The following KDM2B variants were observed in gnomAD, a reference collection of about 807,000 sequenced individuals.
KDM2B encodes the protein lysine-specific demethylase 2B.
Under a neutral mutation model 150.0 loss-of-function variants are expected in KDM2B, and 26 were observed. The observed-to-expected ratio is 0.17, with a 90% CI of 0.13 to 0.24. The LOEUF is 0.24. Ranked by LOEUF, KDM2B falls within the 10% of genes least tolerant of loss-of-function variation. The probability of loss-of-function intolerance (pLI) is 1.00; values close to 1 mark genes in which losing one functional copy is unlikely to be tolerated. For synonymous variants in KDM2B, 734 were observed against 729.5 expected, an observed-to-expected ratio of 1.01 and a Z score of -0.10; for missense variants, 1,265 against 1,816.9, an observed-to-expected ratio of 0.70 and a Z score of 5.52.
At chr12:121,465,881 T>C (rs186848352) in intron 12 of KDM2B, among the ~76,000 whole-genome samples, 1 of 152,176 alleles carries the variant, frequency 6.6e-6, no homozygotes, top group Non-Finnish European at 1.5e-5. Context: ...GAACAAGACT[T>C]TGAGAGCCAT....
At position 121,430,820 on chromosome 12, in the gene KDM2B, T is replaced by C. The variant is rs1872871191; in HGVS notation, c.3830-351A>G. 6.6e-6 allele frequency among the ~76,000 whole-genome samples: 1 copy of C among 152,238 alleles called. No individual in the cohort carries two copies. The highest frequency in any genetic ancestry group is 1.5e-5 in the Non-Finnish European group (1 of 68,048). ...CACACACCATGTCAAGTAGCTTGCT[T>C]TTCTCATCTAATATGTTGTTGATGA... On this transcript the variant is annotated intron_variant, in intron 22 of 22. Coordinates refer to ENST00000377071, the MANE Select transcript of KDM2B (RefSeq NM_032590.5). The surrounding 1 kb of genome is among the most constrained non-coding windows in gnomAD (Gnocchi z 4.4).
chr12:121,472,887 GC>G (rs1880921793), intron 12 of KDM2B, among the ~76,000 whole-genome samples: 1 of 152,112 alleles, frequency 6.6e-6, no homozygotes. Context: ...TAAAATGCCA[GC>G]CTAATTCTGG....
chr12:121,420,368 A>G, the KDM2B span: 2 of 1,554,740 alleles, frequency 1.3e-6, no homozygotes, highest in Non-Finnish European at 1.7e-6. Flanking sequence ...TTTCCCTGAC[A>G]TGTCAGCCTG....
At chr12:121,569,079 C>T (rs1012303376) in intron 4 of KDM2B, among the ~76,000 whole-genome samples, 2 of 152,214 alleles carry the variant, frequency 1.3e-5, no homozygotes, top group African/African-American at 2.4e-5. Flanking sequence ...ACACAGGCTG[C>T]GACCCCGCAA....
At chr12:121,426,598 C>T (rs1872523210), downstream of KDM2B, among the ~76,000 whole-genome samples, 1 of 151,034 alleles carries the variant, frequency 6.6e-6, no homozygotes, top group Non-Finnish European at 1.5e-5. Context: ...TGCATACCAC[C>T]ATGCCTGGAT....
chr12:121,557,981 T>C (rs1385320762), intron 4 of KDM2B, among the ~76,000 whole-genome samples: 1 of 152,126 alleles, frequency 6.6e-6, no homozygotes, highest in African/African-American at 2.4e-5. Flanking sequence ...TATAACGAAA[T>C]CGCAGTTTAC....
intron 4 of KDM2B, among the ~76,000 whole-genome samples, chr12:121,559,531 C>T (rs1483265854): frequency 3.9e-5 from 6 of 152,126 alleles, no homozygotes; most frequent in Non-Finnish European, 7.4e-5. Flanking sequence ...CCCAGAGTGG[C>T]ACGGTGATAG....
intron 22 of KDM2B, 51 bp downstream of exon 22, chr12:121,439,806 C>T: frequency 1.5e-6 from 2 of 1,378,820 alleles, no homozygotes; most frequent in African/African-American, 1.4e-5. Flanking sequence ...TGTGAACCTC[C>T]TGGTTCTCCC....
chr12:121,478,291 C>T (rs1240016614), intron 12 of KDM2B, among the ~76,000 whole-genome samples: 3 of 151,312 alleles, frequency 2.0e-5, no homozygotes, highest in Non-Finnish European at 4.4e-5. Context: ...GTAGTAAGCA[C>T]AACAATACCC....
In KDM2B at chr12:121,430,639, C is replaced by T. The variant is rs8181742; in HGVS notation, c.3830-170G>A. ...TTGCTTAAAATCTCTCTTCTTCAAA[C>T]GGGGAAGGGTCTCACCCGCCAGGTA... On this transcript the variant is annotated intron_variant, in intron 22 of 22. Transcript: ENST00000377071. This position sits in a 1 kb window ranked among gnomAD's most constrained non-coding sequence, Gnocchi z 4.4. 5.6e-5 allele frequency: 34 copies of T among 605,948 alleles called. No individual in the cohort carries two copies. The highest frequency in any genetic ancestry group is 1.5e-4 in the African/African-American group (8 of 54,144). 37.5% of individuals were successfully genotyped at this position (605,948 alleles called of 1,614,324 possible). A position where few individuals can be genotyped will look rare whatever the true frequency, so the allele number is the denominator to read the frequency against.
intron 6 of KDM2B, chr12:121,536,086 G>T: frequency 1.0e-6 from 1 of 985,920 alleles, no homozygotes; most frequent in Non-Finnish European, 1.2e-6. Flanking sequence ...GGCGGGGACG[G>T]ACAGGGAGGA....
At chr12:121,478,206 G>A (rs1881603155) in intron 12 of KDM2B, among the ~76,000 whole-genome samples, 1 of 151,656 alleles carries the variant, frequency 6.6e-6, no homozygotes, top group Non-Finnish European at 1.5e-5. Flanking sequence ...ATGTTCAGCA[G>A]TACATGGGCG....
At chr12:121,486,040 G>C (rs1482065564) in intron 12 of KDM2B, among the ~76,000 whole-genome samples, 1 of 151,784 alleles carries the variant, frequency 6.6e-6, no homozygotes, top group Non-Finnish European at 1.5e-5. Flanking sequence ...GCCTCCCAAA[G>C]TGCTGGAATT....
intron 8 of KDM2B, among the ~76,000 whole-genome samples, chr12:121,523,419 C>T (rs1208950424): frequency 1.3e-5 from 2 of 152,234 alleles, no homozygotes; most frequent in East Asian, 1.9e-4. Context: ...CCTTGAAGGG[C>T]CTGGCCCTGG....
chr12:121,451,485 G>C (rs546355090), intron 13 of KDM2B, among the ~76,000 whole-genome samples: 96 of 152,192 alleles, frequency 6.3e-4, no homozygotes, highest in African/African-American at 2.3e-3. Flanking sequence ...GTTGTTCAAG[G>C]GTCAATTGTA....
At chr12:121,415,267 G>C in the KDM2B span, 2 of 317,154 alleles carry the variant, frequency 6.3e-6, no homozygotes, top group African/African-American at 4.3e-5. Flanking sequence ...ATTTACATAT[G>C]CTATAGTATA....
chr12:121,472,094 C>A (rs1880830711), intron 12 of KDM2B, among the ~76,000 whole-genome samples: 1 of 152,112 alleles, frequency 6.6e-6, no homozygotes, highest in South Asian at 2.1e-4. Context: ...CTGCACTCCA[C>A]CCTGGGCAAC....
chr12:121,521,249 T>G lies in KDM2B; in HGVS notation c.932-149A>C, dbSNP rs1401568289. ...GGCCTGGGGCAGCGGCGCCCAGCAA[T>G]GCCTGCTGCACAACGCCCAGGCCTG... On this transcript the variant is annotated intron_variant, in intron 8 of 22. Coordinates refer to ENST00000377071, the MANE Select transcript of KDM2B (RefSeq NM_032590.5). The surrounding 1 kb of genome is among the most constrained non-coding windows in gnomAD (Gnocchi z 4.9). 1.7e-6 allele frequency: 1 copy of G among 599,270 alleles called. No individual in the cohort carries two copies. Among genetic ancestry groups the G allele is most frequent in the African/African-American group, 1.9e-5 (1 of 53,910 alleles). 37.1% of individuals were successfully genotyped at this position (599,270 alleles called of 1,614,324 possible).
chr12:121,445,973 C>T (rs1412498470), intron 13 of KDM2B, among the ~76,000 whole-genome samples: 2 of 152,214 alleles, frequency 1.3e-5, no homozygotes, highest in Admixed American at 6.5e-5. Flanking sequence ...GAATAACAGA[C>T]GTTATTTGCC....
Sources: allele counts gnomAD v4.1 joint callset (sites outside exome capture counted in the v4.1 genomes callset), GRCh38; gene constraint gnomAD v4.1.1; non-coding constraint Gnocchi (gnomAD v3.1); transcripts MANE v1.5; gene names NCBI Gene and HGNC (gene_info 2026-07-23, HGNC 2026-07-21).